The following CPLX1 variants were observed in gnomAD, a reference collection of about 807,000 sequenced individuals.
CPLX1 encodes the protein complexin 1, also known as complexin-1.
CPLX1 carries 6 observed loss-of-function variants against 15.6 expected under a neutral mutation model. The ratio of observed to expected loss-of-function variants is 0.39; its 90% CI spans 0.21 to 0.76. CPLX1 has a LOEUF of 0.76. CPLX1 is among the 30% of genes least tolerant of loss of function. The probability of loss-of-function intolerance (pLI) is 0.43; values close to 1 mark genes in which losing one functional copy is unlikely to be tolerated. For missense variants in CPLX1, 242 were observed against 188.6 expected (o/e 1.28, Z -1.66); for synonymous variants, 91 against 75.2 (o/e 1.21, Z -1.08).
chr4:823,826 A>T (rs2152649133), intron 2 of CPLX1, among the ~76,000 whole-genome samples: 1 of 152,364 alleles, frequency 6.6e-6, no homozygotes. Context: ...GTTCCTTTCA[A>T]ATAGCAGACA....
chr4:816,059 AT>A (rs941423497), intron 2 of CPLX1, among the ~76,000 whole-genome samples: 4 of 152,160 alleles, frequency 2.6e-5, no homozygotes, highest in Non-Finnish European at 5.9e-5. Flanking sequence ...ATGTTGAGCT[AT>A]TTAAGTTATA....
intron 2 of CPLX1, among the ~76,000 whole-genome samples, chr4:799,711 A>T (rs928120152): frequency 1.3e-5 from 2 of 152,044 alleles, no homozygotes; most frequent in East Asian, 3.9e-4. Flanking sequence ...AAAAATACAA[A>T]AATTATCCAG....
At chr4:795,129 C>A (rs1182830973) in intron 2 of CPLX1, among the ~76,000 whole-genome samples, 1 of 152,250 alleles carries the variant, frequency 6.6e-6, no homozygotes, top group Admixed American at 6.5e-5. Context: ...CGCCCACGCC[C>A]CCCCGCTTTT....
chr4:808,441 C>T (rs753235539), intron 2 of CPLX1, among the ~76,000 whole-genome samples: 12 of 152,126 alleles, frequency 7.9e-5, no homozygotes, highest in Non-Finnish European at 1.3e-4. Context: ...CTCACGCTCC[C>T]GGCAAGCCCA....
chr4:809,085 C>T (rs536357650), intron 2 of CPLX1, among the ~76,000 whole-genome samples: 8 of 152,372 alleles, frequency 5.3e-5, no homozygotes, highest in South Asian at 4.1e-4. Flanking sequence ...GAGAGTCTGG[C>T]GTTCCATGGG....
At chr4:810,477 G>C (rs767207927) in intron 2 of CPLX1, among the ~76,000 whole-genome samples, 18 of 152,154 alleles carry the variant, frequency 1.2e-4, no homozygotes, top group Non-Finnish European at 1.9e-4. Context: ...GCCATTTTAA[G>C]CTCCCACTGG....
Position 786,646 on chromosome 4 carries a change from T to G in CPLX1, c.260A>C (p.Glu87Ala). The G allele has an allele frequency of 6.2e-7, 1 of 1,611,748 alleles. No individual in the cohort carries two copies. The highest frequency in any genetic ancestry group is 8.5e-7 in the Non-Finnish European group (1 of 1,179,106). The change falls in exon 4 of 4, where the codon GAG becomes GCG. Residue 87 changes from glutamate (E) to alanine (A), a missense_variant. By Grantham distance (107) the Glu-to-Ala change is moderately radical (BLOSUM62 -1). Coordinates refer to ENST00000304062, the MANE Select transcript of CPLX1 (RefSeq NM_006651.4). ...CGTCAAGCTCCCCTCGGAGTTGGCC[T>G]CCATGGCGGCCTGGGCCTCGGCCTC... is the stretch of plus-strand genomic sequence containing the variant. ...EREAEAQAAM[E>A]ANSEGSLTRP...
intron 2 of CPLX1, among the ~76,000 whole-genome samples, chr4:805,834 A>G (rs1471141660): frequency 1.3e-5 from 2 of 152,220 alleles, no homozygotes; most frequent in Non-Finnish European, 2.9e-5. Flanking sequence ...ACTATGCTAA[A>G]TGAAATAAGC....
At chr4:805,237 GT>G (rs1207858223) in intron 2 of CPLX1, among the ~76,000 whole-genome samples, 2 of 152,240 alleles carry the variant, frequency 1.3e-5, no homozygotes, top group Non-Finnish European at 2.9e-5. Flanking sequence ...AAACAATCAT[GT>G]ATGAATATAC....
intron 2 of CPLX1, among the ~76,000 whole-genome samples, chr4:808,287 C>A (rs1746595386): frequency 6.6e-6 from 1 of 151,964 alleles, no homozygotes; most frequent in African/African-American, 2.4e-5. Context: ...CCTCCTGGGC[C>A]CTTGTAAATG....
chr4:788,069 G>A (rs1746055512), intron 3 of CPLX1: 3 of 985,312 alleles, frequency 3.0e-6, no homozygotes, highest in Non-Finnish European at 3.6e-6. Context: ...GCACTCTACA[G>A]GACGGAGGAG....
chr4:793,098 G>A (rs1336639699), intron 2 of CPLX1, among the ~76,000 whole-genome samples: 1 of 152,236 alleles, frequency 6.6e-6, no homozygotes, highest in Admixed American at 6.5e-5. Context: ...GGTTGCGCGT[G>A]CAGTTGTGTG....
intron 3 of CPLX1, 132 bp from the exon 4 acceptor site, chr4:786,830 G>T: frequency 7.1e-7 from 1 of 1,402,778 alleles, no homozygotes. Flanking sequence ...AGGCACACAA[G>T]GACCCCAGAA....
At chr4:821,251 G>A (rs7375209) in intron 2 of CPLX1, among the ~76,000 whole-genome samples, 55,944 of 152,036 alleles carry the variant, frequency 0.37, 10,703 homozygotes, top group African/African-American at 0.47. Flanking sequence ...GGACCTGCCC[G>A]CTAGACCTCC....
intron 3 of CPLX1, chr4:787,668 C>T: frequency 1.8e-5 from 18 of 983,656 alleles, no homozygotes; most frequent in Non-Finnish European, 2.2e-5. Flanking sequence ...TCCCCCAGAG[C>T]CTCCAGAGGG....
In CPLX1 at chr4:785,432, C is replaced by G. The variant is rs1340734502; in HGVS notation, c.*1069G>C. On this transcript the variant is annotated 3_prime_UTR_variant, in exon 4 of 4. Transcript: ENST00000304062. ...AGACTTGATGCATTTTTGATGTGGA[C>G]GAAAGGGCCCGGGGGCGAGGCGGCG... 1 of 152,372 alleles carries G rather than the reference C, an allele frequency of 6.6e-6. No homozygotes were observed. Among genetic ancestry groups the G allele is most frequent in the Non-Finnish European group, 1.5e-5 (1 of 68,010 alleles). The allele number at this position is 152,372 out of a possible 1,614,324, so 9.4% of individuals were successfully genotyped here. A position where few individuals can be genotyped will look rare whatever the true frequency, so the allele number is the denominator to read the frequency against.
chr4:811,124 C>A, intron 2 of CPLX1, among the ~76,000 whole-genome samples: 1 of 152,270 alleles, frequency 6.6e-6, no homozygotes, highest in East Asian at 1.9e-4. Context: ...CTCTGCCTCC[C>A]AAGTAGTTCA....
At chr4:798,726 A>G (rs1746393625) in intron 2 of CPLX1, among the ~76,000 whole-genome samples, 1 of 152,218 alleles carries the variant, frequency 6.6e-6, no homozygotes, top group Non-Finnish European at 1.5e-5. Context: ...GCACTGGCTC[A>G]ATTCAATATC....
At position 792,531 on chromosome 4, in the gene CPLX1, GCTC is replaced by G. The variant is rs1746214135; in HGVS notation, c.106_108del (p.Glu36del). The G allele has an allele frequency of 1.2e-6, 2 of 1,613,370 alleles. No individual in the cohort carries two copies. Among genetic ancestry groups the G allele is most frequent in the Non-Finnish European group, 1.7e-6 (2 of 1,179,716 alleles). Reference sequence around the variant, plus strand: ...TCCGCCTGGCGCAGCGCCTCCTGCCGCTCCTCCTCCTTCTTGGCGGCGTCTGGG... The same window carrying G: ...TCCGCCTGGCGCAGCGCCTCCTGCCGCTCCTCCTTCTTGGCGGCGTCTGGG... On this transcript the variant is annotated inframe_deletion, in exon 3 of 4. Transcript: ENST00000304062.
Sources: gnomAD v4.1 joint callset for allele counts (sites outside exome capture counted in the v4.1 genomes callset) on GRCh38, gnomAD v4.1.1 for gene constraint, MANE v1.5 for transcripts, NCBI Gene and HGNC (gene_info 2026-07-23, HGNC 2026-07-21) for gene names.